S100A8: variants seen among roughly 807,000 people sequenced by gnomAD.
The protein encoded by S100A8 is protein S100-A8.
In S100A8, 1 loss-of-function variant was observed where a neutral mutation model predicts 4.2. That is an observed-to-expected ratio of 0.24 (90% CI 0.08 to 1.12). S100A8 has a LOEUF of 1.12. Among genes scored for constraint, S100A8 ranks in the 50% most tolerant of loss-of-function variants. The pLI, the probability that S100A8 is intolerant of heterozygous loss-of-function variation, is 0.53. For missense variants in S100A8, 96 were observed against 111.8 expected (o/e 0.86, Z 0.64); for synonymous variants, 41 against 44.7 (o/e 0.92, Z 0.33).
the S100A8 span, among the ~76,000 whole-genome samples, chr1:153,401,844 A>G: frequency 1.3e-5 from 2 of 152,208 alleles, no homozygotes; most frequent in African/African-American, 2.4e-5. Context: ...TGAGACGATG[A>G]ATCGGGTTAT....
chr1:153,395,866 C>T (rs1208860993), upstream of S100A8, among the ~76,000 whole-genome samples: 3 of 152,246 alleles, frequency 2.0e-5, no homozygotes, highest in East Asian at 5.8e-4. Flanking sequence ...TAGAAATGCA[C>T]CTGCCTCCCG....
the S100A8 span, among the ~76,000 whole-genome samples, chr1:153,417,769 T>C: frequency 0.077 from 11,726 of 152,254 alleles, 545 homozygotes; most frequent in East Asian, 0.13. Flanking sequence ...TTAGTTCTTC[T>C]ATGTGTTGCT....
upstream of S100A8, among the ~76,000 whole-genome samples, chr1:153,394,157 G>A (rs1419446911): frequency 6.6e-6 from 1 of 152,204 alleles, no homozygotes; most frequent in African/African-American, 2.4e-5. Flanking sequence ...TTACAGGAAA[G>A]GGCTCAGTCC....
the S100A8 span, chr1:153,417,950 C>T: frequency 2.3e-6 from 3 of 1,314,334 alleles, no homozygotes; most frequent in Middle Eastern, 1.9e-4. Flanking sequence ...AAATCAAGTT[C>T]CTTCTGCTCC....
chr1:153,401,392 G>C, the S100A8 span, among the ~76,000 whole-genome samples: 3 of 152,294 alleles, frequency 2.0e-5, no homozygotes, highest in East Asian at 5.8e-4. Context: ...GAAACTCATA[G>C]TCTGTAGGTG....
In S100A8 at chr1:153,390,436, G is replaced by T. The variant is rs1557847537; in HGVS notation, c.100C>A (p.Leu34Met). The change falls in exon 2 of 3, where the codon CTG becomes ATG. Residue 34 changes from leucine (L) to methionine (M), a missense_variant. Coordinates refer to ENST00000368733, the MANE Select transcript of S100A8 (RefSeq NM_002964.5). ...CACTCGGTCTCTAGCAATTTCTTCA[G>T]GTCATCCCTGTAGACGGCATGGAAA... is the stretch of plus-strand genomic sequence containing the variant. ...GNFHAVYRDD[L>M]KKLLETECPQ... 3 of 1,614,170 alleles carry T rather than the reference G, an allele frequency of 1.9e-6. No individual in the cohort carries two copies. The highest frequency in any genetic ancestry group is 3.3e-5 in the Admixed American group (2 of 60,018).
chr1:153,395,654 C>T (rs1170664955), upstream of S100A8, among the ~76,000 whole-genome samples: 1 of 152,182 alleles, frequency 6.6e-6, no homozygotes, highest in Admixed American at 6.5e-5. Context: ...CGCCCCTTCC[C>T]CACACTTAAC....
At chr1:153,411,823 T>C in the S100A8 span, among the ~76,000 whole-genome samples, 3 of 152,114 alleles carry the variant, frequency 2.0e-5, 1 homozygote, top group Non-Finnish European at 2.9e-5. Context: ...TCAGAAATAA[T>C]ACCACACAAC....
upstream of S100A8, among the ~76,000 whole-genome samples, chr1:153,394,590 A>G (rs1197521996): frequency 6.6e-6 from 1 of 152,172 alleles, no homozygotes; most frequent in African/African-American, 2.4e-5. Flanking sequence ...ATGCCCTTCC[A>G]CAGGAAAGAA....
chr1:153,405,317 A>C, the S100A8 span, among the ~76,000 whole-genome samples: 1 of 148,518 alleles, frequency 6.7e-6, no homozygotes, highest in African/African-American at 2.5e-5. Flanking sequence ...CTCCCAGCAA[A>C]CCCATTCGAC....
At chr1:153,398,645 C>T in the S100A8 span, among the ~76,000 whole-genome samples, 1 of 152,340 alleles carries the variant, frequency 6.6e-6, no homozygotes, top group South Asian at 2.1e-4. Context: ...ATCAGCAGTG[C>T]TCCCTGGACT....
the S100A8 span, chr1:153,421,149 C>T: frequency 2.0e-5 from 3 of 152,358 alleles, no homozygotes; most frequent in Admixed American, 2.0e-4. Context: ...CAATACCAAT[C>T]TTTTAAACTA....
upstream of S100A8, among the ~76,000 whole-genome samples, chr1:153,393,669 C>G (rs944383120): frequency 6.6e-6 from 1 of 152,158 alleles, no homozygotes; most frequent in African/African-American, 2.4e-5. Flanking sequence ...AAGGATCCAC[C>G]CTTGGTTAAT....
upstream of S100A8, chr1:153,391,182 G>A: frequency 2.0e-6 from 2 of 985,496 alleles, no homozygotes; most frequent in Non-Finnish European, 2.4e-6. Context: ...ACAGTCTCTG[G>A]TTTCTCAACC....
chr1:153,417,932 AT>A, the S100A8 span: 13 of 1,036,392 alleles, frequency 1.3e-5, no homozygotes, highest in African/African-American at 1.2e-4. Flanking sequence ...ATCCCATCAC[AT>A]TTAAAAAAAT....
chr1:153,411,500 A>G, the S100A8 span, among the ~76,000 whole-genome samples: 19 of 152,360 alleles, frequency 1.2e-4, no homozygotes, highest in African/African-American at 4.6e-4. Flanking sequence ...CAAATGGAAG[A>G]ACATTCCATG....
chr1:153,394,396 C>T (rs1662170207), upstream of S100A8, among the ~76,000 whole-genome samples: 1 of 152,124 alleles, frequency 6.6e-6, no homozygotes, highest in African/African-American at 2.4e-5. Flanking sequence ...GTAACTCAGG[C>T]GATGGTCTTC....
chr1:153,417,943 T>C, the S100A8 span: 1 of 1,079,306 alleles, frequency 9.3e-7, no homozygotes, highest in African/African-American at 1.6e-5. Context: ...TTTAAAAAAA[T>C]CAAGTTCCTT....
At chr1:153,413,396 G>A in the S100A8 span, among the ~76,000 whole-genome samples, 3 of 152,092 alleles carry the variant, frequency 2.0e-5, no homozygotes, top group African/African-American at 7.2e-5. Flanking sequence ...CTTCATCCAC[G>A]GGGCCCTTAT....
Sources: allele counts gnomAD v4.1 joint callset (sites outside exome capture counted in the v4.1 genomes callset), GRCh38; gene constraint gnomAD v4.1.1; transcripts MANE v1.5; gene names NCBI Gene and HGNC (gene_info 2026-07-23, HGNC 2026-07-21).